SOCS6: variants seen among roughly 807,000 people sequenced by gnomAD.
SOCS6 encodes the protein suppressor of cytokine signaling 6, also known as STAT induced STAT inhibitor-4.
Under a neutral mutation model 27.7 loss-of-function variants are expected in SOCS6, and 5 were observed. The observed-to-expected ratio is 0.18, with a 90% CI of 0.09 to 0.38. The LOEUF (loss-of-function observed/expected upper bound fraction) is 0.38, where lower values mean the gene tolerates loss of function less well. Among genes scored for constraint, SOCS6 ranks in the 10% least tolerant of loss-of-function variants. The probability of loss-of-function intolerance (pLI) is 1.00; values close to 1 mark genes in which losing one functional copy is unlikely to be tolerated. For synonymous variants in SOCS6, 271 were observed against 260.0 expected (o/e 1.04, Z -0.41); for missense variants, 595 against 688.1 (o/e 0.86, Z 1.51).
intron 1 of SOCS6, among the ~76,000 whole-genome samples, chr18:70,292,555 C>T (rs1411836997): frequency 6.6e-6 from 1 of 152,086 alleles, no homozygotes; most frequent in African/African-American, 2.4e-5. Context: ...CCTTATGTTG[C>T]CCAGTTGGTC....
Position 70,324,987 on chromosome 18 carries a change from T to G in SOCS6, c.319T>G (p.Ser107Ala), listed in dbSNP as rs1276863306. 2 of 1,613,638 alleles carry G rather than the reference T, an allele frequency of 1.2e-6. No individual in the cohort carries two copies. The highest frequency in any genetic ancestry group is 1.7e-5 in the Admixed American group (1 of 59,880). Residue 107 changes from serine to alanine, a missense_variant, in exon 2 of 2, where the codon TCC (serine) becomes GCC (alanine). Physicochemically the swap from Ser to Ala is moderately conservative, Grantham distance 99 (BLOSUM62 1). Coordinates refer to ENST00000397942, the MANE Select transcript of SOCS6 (RefSeq NM_004232.4). ...SSADEDTFSS[S>A]SAPIVFKDVR... Reference sequence around the variant, plus strand: ...TGCCGACGAGGACACCTTCTCCTCCTCCTCAGCACCCATAGTCTTTAAAGA... The same window carrying G: ...TGCCGACGAGGACACCTTCTCCTCCGCCTCAGCACCCATAGTCTTTAAAGA...
At position 70,329,380 on chromosome 18, in the gene SOCS6, T is replaced by C. The variant is rs1184665879; in HGVS notation, c.*3104T>C. 1 of 167,086 alleles carries C rather than the reference T, an allele frequency of 6.0e-6. No homozygotes were observed. Among genetic ancestry groups the C allele is most frequent in the African/African-American group, 2.4e-5 (1 of 41,464 alleles). The allele number at this position is 167,086 out of a possible 1,614,324, so 10.4% of individuals were successfully genotyped here. A position where few individuals can be genotyped will look rare whatever the true frequency, so the allele number is the denominator to read the frequency against. Reference sequence around the variant, plus strand: ...AAGGAAACAAAACCCAAAGTATGCGTTGTAATTCTTGAGCCAGTATTACTG... The same window carrying C: ...AAGGAAACAAAACCCAAAGTATGCGCTGTAATTCTTGAGCCAGTATTACTG... On this transcript the variant is annotated 3_prime_UTR_variant, in exon 2 of 2. Coordinates refer to ENST00000397942, the MANE Select transcript of SOCS6 (RefSeq NM_004232.4).
chr18:70,325,070 C>G lies in SOCS6; in HGVS notation c.402C>G (p.Pro134=), dbSNP rs201422335. Residue 134 remains proline (P), a synonymous_variant, in exon 2 of 2, where the codon CCC becomes CCG. Coordinates refer to ENST00000397942, the MANE Select transcript of SOCS6 (RefSeq NM_004232.4). The surrounding 1 kb of genome is among the most constrained non-coding windows in gnomAD (Gnocchi z 6.3). Reference sequence around the variant, plus strand: ...CGCTCCGCAGCCATCACTACAGTCCCGCGCCGTGGCCTCTGCGGCCCACAA... The same window carrying G: ...CGCTCCGCAGCCATCACTACAGTCCGGCGCCGTGGCCTCTGCGGCCCACAA... ...STSLRSHHYS[P]APWPLRPTNS... is the part of the protein sequence containing the mutation. 1 of 1,614,146 alleles carries G rather than the reference C, an allele frequency of 6.2e-7. No homozygotes were observed. Among genetic ancestry groups the G allele is most frequent in the South Asian group, 1.1e-5 (1 of 91,086 alleles).
In SOCS6 at chr18:70,312,703, C is replaced by T. The variant is rs117858348; in HGVS notation, c.-126-11840C>T. Among the ~76,000 whole-genome samples the T allele has an allele frequency of 4.1e-3, 624 of 151,232 alleles. 8 individuals carry two copies. In the East Asian group the frequency reaches 0.055, roughly 13 times the overall value. ...GTATTTTGTTGAGTTTTGACAAATG[C>T]ATTCAGTTACGTAAACACCACCACA... On this transcript the variant is annotated intron_variant, in intron 1 of 1. Transcript: ENST00000397942.
In SOCS6 at chr18:70,297,536, G is replaced by A. The variant is rs555219015; in HGVS notation, c.-127+8446G>A. On this transcript the variant is annotated intron_variant, in intron 1 of 1. Transcript: ENST00000397942. ...TAACTTAGTCGATGAAATGCCTGCT[G>A]ATCTGTAGTGGGTGGTAACATAATT... is the stretch of plus-strand genomic sequence containing the variant. 3.1e-3 allele frequency among the ~76,000 whole-genome samples: 469 copies of A among 152,316 alleles called. 1 individual carries two copies. The highest frequency in any genetic ancestry group is 5.0e-3 in the Non-Finnish European group (342 of 68,032).
At chr18:70,308,772 G>A (rs995788054) in intron 1 of SOCS6, among the ~76,000 whole-genome samples, 13 of 152,086 alleles carry the variant, frequency 8.5e-5, no homozygotes, top group African/African-American at 9.7e-5. Flanking sequence ...TACAATTGCT[G>A]TGTCTTCGTT....
At chr18:70,324,459 A>C (rs948564432) in intron 1 of SOCS6, 84 bp from the exon 2 acceptor site, 6 of 429,864 alleles carry the variant, frequency 1.4e-5, no homozygotes, top group African/African-American at 1.2e-4. Flanking sequence ...TCTCGTTCAG[A>C]AGTTAAAGGA....
At chr18:70,299,544 C>T (rs542690797) in intron 1 of SOCS6, among the ~76,000 whole-genome samples, 1 of 152,158 alleles carries the variant, frequency 6.6e-6, no homozygotes, top group Non-Finnish European at 1.5e-5. Context: ...CTCTTCATTT[C>T]TCTTCAGGAT....
At chr18:70,320,160 G>C (rs1253779080) in intron 1 of SOCS6, among the ~76,000 whole-genome samples, 2 of 151,894 alleles carry the variant, frequency 1.3e-5, no homozygotes, top group East Asian at 1.9e-4. Flanking sequence ...GGCTAATGTT[G>C]ATATTTTTAG....
intron 1 of SOCS6, among the ~76,000 whole-genome samples, chr18:70,308,291 G>A (rs1323786107): frequency 4.6e-5 from 7 of 152,140 alleles, no homozygotes; most frequent in Non-Finnish European, 8.8e-5. Context: ...TCATGGACAA[G>A]ATGCAGCCTC....
chr18:70,312,180 C>T (rs992507552), intron 1 of SOCS6, among the ~76,000 whole-genome samples: 3 of 152,134 alleles, frequency 2.0e-5, no homozygotes, highest in Admixed American at 6.5e-5. Flanking sequence ...GAATATAGTA[C>T]GTGAACTTAC....
At chr18:70,296,577 C>T (rs771108656) in intron 1 of SOCS6, 5 of 152,252 alleles carry the variant, frequency 3.3e-5, no homozygotes, top group Non-Finnish European at 2.9e-5. Flanking sequence ...CAGTGGGGGT[C>T]ATAGTTGTAA....
At position 70,317,847 on chromosome 18, in the gene SOCS6, TTTTG is replaced by T. The variant is rs1296214537; in HGVS notation, c.-126-6683_-126-6680del. ...TTTTACCACATTCACACCAACATCG[TTTTG>T]TTTGTTTGTTTGAGACAGGGCCCTA... On this transcript the variant is annotated intron_variant, in intron 1 of 1. Coordinates refer to ENST00000397942, the MANE Select transcript of SOCS6 (RefSeq NM_004232.4). Among the ~76,000 whole-genome samples, 7 of 152,108 alleles carry T rather than the reference TTTTG, an allele frequency of 4.6e-5. No homozygotes were observed. The South Asian group carries it at 8.3e-4, about 18-fold the overall frequency.
intron 1 of SOCS6, among the ~76,000 whole-genome samples, chr18:70,317,541 CTTCATATAT>C (rs1568602817): frequency 0.15 from 927 of 6,086 alleles, 12 homozygotes; most frequent in Middle Eastern, 0.17. Context: ...TATATACACA[CTTCATATAT>C]ACATACACAC....
Position 70,325,795 on chromosome 18 carries a change from T to C in SOCS6, c.1127T>C (p.Leu376Pro). 1 of 1,614,160 alleles carries C rather than the reference T, an allele frequency of 6.2e-7. No individual in the cohort carries two copies. Among genetic ancestry groups the C allele is most frequent in the Non-Finnish European group, 8.5e-7 (1 of 1,180,014 alleles). Reference protein sequence around the residue: ...PMVVTSLTEELKKLAKQGWYW... With the variant: ...PMVVTSLTEEPKKLAKQGWYW... The stretch of plus-strand genomic sequence containing the variant: ...GTTGTGACAAGCCTTACAGAGGAGC[T>C]GAAAAAACTTGCAAAGCAAGGATGG... Residue 376 changes from leucine to proline, a missense_variant, in exon 2 of 2, where the codon CTG becomes CCG. By Grantham distance (98) the Leu-to-Pro change is moderately conservative. This residue lies in a region of SOCS6 where 128 missense variants were observed against 207.0 expected (regional missense o/e 0.62). Transcript: ENST00000397942. This position sits in a 1 kb window ranked among gnomAD's most constrained non-coding sequence, Gnocchi z 6.3.
chr18:70,307,131 T>G (rs1249992918), intron 1 of SOCS6, among the ~76,000 whole-genome samples: 1 of 152,078 alleles, frequency 6.6e-6, no homozygotes, highest in Admixed American at 6.5e-5. Context: ...GGTGTGCTGG[T>G]GCGTGCCTGT....
chr18:70,297,590 C>G (rs1363810012), intron 1 of SOCS6, among the ~76,000 whole-genome samples: 2 of 151,788 alleles, frequency 1.3e-5, no homozygotes, highest in Admixed American at 1.3e-4. Flanking sequence ...TTAAAAGCAT[C>G]AAGAGATCGC....
chr18:70,326,064 G>GA lies in SOCS6; in HGVS notation c.1400dup (p.Asn467LysfsTer73). 1 of 1,614,236 alleles carries GA rather than the reference G, an allele frequency of 6.2e-7. No homozygotes were observed. The highest frequency in any genetic ancestry group is 8.5e-7 in the Non-Finnish European group (1 of 1,180,032). ...AATTGAGCATTCAATCAGGGACTCTGAAAATGGAGCTTTTTGTTATTCAAG... is the reference window on the plus strand; with the variant it reads ...AATTGAGCATTCAATCAGGGACTCTGAAAAATGGAGCTTTTTGTTATTCAAG... On this transcript the variant is annotated frameshift_variant, in exon 2 of 2. Transcript: ENST00000397942. LOFTEE classifies it high-confidence loss of function.
In SOCS6 at chr18:70,326,043, G is replaced by C; in HGVS notation, c.1375G>C (p.Glu459Gln). The C allele has an allele frequency of 6.2e-7, 1 of 1,614,170 alleles. No homozygotes were observed. Residue 459 changes from glutamate to glutamine, a missense_variant, in exon 2 of 2, where the codon GAG becomes CAG. Glu to Gln is a conservative substitution (Grantham distance 29, BLOSUM62 2). Coordinates refer to ENST00000397942, the MANE Select transcript of SOCS6 (RefSeq NM_004232.4). ...EGHTSIVDLI[E>Q]HSIRDSENGA... ...ACATACGTCCATAGTTGATCTAATT[G>C]AGCATTCAATCAGGGACTCTGAAAA...
Sources: allele counts gnomAD v4.1 joint callset (sites outside exome capture counted in the v4.1 genomes callset), GRCh38; gene constraint gnomAD v4.1.1; regional missense constraint gnomAD v4.1.1; non-coding constraint Gnocchi (gnomAD v3.1); transcripts MANE v1.5; gene names NCBI Gene and HGNC (gene_info 2026-07-23, HGNC 2026-07-21).